The following ERH variants were observed in gnomAD, a reference collection of about 807,000 sequenced individuals.
The protein encoded by ERH is ERH mRNA splicing and mitosis factor.
In ERH, 1 loss-of-function variant was observed where a neutral mutation model predicts 16.8. That is an observed-to-expected ratio of 0.06 (90% CI 0.02 to 0.28). The LOEUF (loss-of-function observed/expected upper bound fraction) is 0.28, where lower values mean the gene tolerates loss of function less well. Ranked by LOEUF, ERH falls within the 10% of genes least tolerant of loss-of-function variation. The pLI, the probability that ERH is intolerant of heterozygous loss-of-function variation, is 1.00. For synonymous variants in ERH, 43 were observed against 43.6 expected (o/e 0.99, Z 0.05); for missense variants, 42 against 127.5 (o/e 0.33, Z 3.23).
At chr14:69,392,816 T>C (rs1882248408) in intron 2 of ERH, among the ~76,000 whole-genome samples, 1 of 152,166 alleles carries the variant, frequency 6.6e-6, no homozygotes, top group African/African-American at 2.4e-5. Context: ...AAAACTGTAG[T>C]TTCTGTTCAA....
chr14:69,392,609 A>G (rs1236016850), intron 2 of ERH, among the ~76,000 whole-genome samples: 1 of 152,232 alleles, frequency 6.6e-6, no homozygotes, highest in Admixed American at 6.5e-5. Flanking sequence ...TGGCGGACAC[A>G]TGACACTGCG....
chr14:69,389,129 T>C (rs533237957), intron 2 of ERH, among the ~76,000 whole-genome samples: 2 of 152,278 alleles, frequency 1.3e-5, no homozygotes, highest in South Asian at 4.1e-4. Context: ...CAAGCGATTC[T>C]CTTGCCTCAG....
At chr14:69,381,398 T>C (rs1393532169) in intron 3 of ERH, among the ~76,000 whole-genome samples, 4 of 152,240 alleles carry the variant, frequency 2.6e-5, no homozygotes, top group Non-Finnish European at 5.9e-5. Context: ...CTGTAAAGTA[T>C]TAAGGAAATC....
At chr14:69,397,880 T>C (rs1429756463) in intron 1 of ERH, 5 of 406,156 alleles carry the variant, frequency 1.2e-5, no homozygotes, top group African/African-American at 8.3e-5. Flanking sequence ...ATCCCGCCAC[T>C]GCACTCCAGC....
At chr14:69,387,143 C>A in intron 2 of ERH, 60 bp from the exon 3 acceptor site, 1 of 1,448,104 alleles carries the variant, frequency 6.9e-7, no homozygotes, top group Non-Finnish European at 9.6e-7. Flanking sequence ...TAGATATGAG[C>A]AGTGCTTATG....
chr14:69,390,163 C>T (rs921037191), intron 2 of ERH, among the ~76,000 whole-genome samples: 4 of 150,624 alleles, frequency 2.7e-5, no homozygotes, highest in African/African-American at 9.8e-5. Context: ...ACGGATTCAA[C>T]GCAATTCCCA....
intron 2 of ERH, among the ~76,000 whole-genome samples, chr14:69,390,154 C>T (rs1462508650): frequency 4.7e-5 from 7 of 150,468 alleles, no homozygotes; most frequent in African/African-American, 1.5e-4. Flanking sequence ...AGATGATCTA[C>T]GGATTCAACG....
intron 1 of ERH, among the ~76,000 whole-genome samples, chr14:69,396,097 C>T (rs1882325510): frequency 6.6e-6 from 1 of 152,212 alleles, no homozygotes; most frequent in African/African-American, 2.4e-5. Flanking sequence ...CAATTTTCTG[C>T]TACATGTGTA....
chr14:69,398,057 T>TA, intron 1 of ERH, 174 bp downstream of exon 1: 1 of 837,172 alleles, frequency 1.2e-6, no homozygotes, highest in Non-Finnish European at 1.9e-6. Context: ...CTCCGAGGCC[T>TA]AGAGTCAGGC....
Position 69,380,629 on chromosome 14 carries a change from T to C in ERH, c.224A>G (p.Asp75Gly). The stretch of plus-strand genomic sequence containing the variant: ...GTTATAAGGCTGGTATGTCTGGGTA[T>C]CAGCTCGGTAACTGAGGAGAGAAAG... ...ADLSCLVYRA[D>G]TQTYQPYNKD... Residue 75 changes from aspartate (D) to glycine (G), a missense_variant, in exon 4 of 4, where the codon GAT (aspartate) becomes GGT (glycine). Coordinates refer to ENST00000557016, the MANE Select transcript of ERH (RefSeq NM_004450.3). 6.2e-7 allele frequency: 1 copy of C among 1,606,366 alleles called. No homozygotes were observed. Among genetic ancestry groups the C allele is most frequent in the Non-Finnish European group, 8.5e-7 (1 of 1,173,848 alleles).
intron 1 of ERH, among the ~76,000 whole-genome samples, chr14:69,396,049 G>T (rs1882324825): frequency 6.6e-6 from 1 of 152,194 alleles, no homozygotes; most frequent in Admixed American, 6.5e-5. Flanking sequence ...ATCTCATCCA[G>T]CTGAGAATTC....
chr14:69,397,376 G>A (rs564967432), intron 1 of ERH, among the ~76,000 whole-genome samples: 39 of 150,618 alleles, frequency 2.6e-4, no homozygotes, highest in Non-Finnish European at 3.1e-4. Flanking sequence ...GCCCCAAGAG[G>A]ATATAAATAC....
intron 2 of ERH, among the ~76,000 whole-genome samples, chr14:69,389,429 T>C (rs1242229109): frequency 6.6e-6 from 1 of 152,196 alleles, no homozygotes; most frequent in Non-Finnish European, 1.5e-5. Context: ...GTACTAGAAG[T>C]TCTAGCCAGG....
Position 69,380,527 on chromosome 14 carries a change from T to TGGG in ERH, c.*10_*11insCCC. The TGGG allele has an allele frequency of 2.8e-6, 3 of 1,076,086 alleles. No homozygotes were observed. The highest frequency in any genetic ancestry group is 4.3e-6 in the Non-Finnish European group (3 of 700,076). The allele number at this position is 1,076,086 out of a possible 1,614,324, so 66.7% of individuals were successfully genotyped here. A position where few individuals can be genotyped will look rare whatever the true frequency, so the allele number is the denominator to read the frequency against. On this transcript the variant is annotated 3_prime_UTR_variant, in exon 4 of 4. Coordinates refer to ENST00000557016, the MANE Select transcript of ERH (RefSeq NM_004450.3). ...AAGCCCACCCCAACCCCCCCAGTGC[T>TGGG]TCCAACACAATTATTTCCCAGCCTG...
intron 2 of ERH, among the ~76,000 whole-genome samples, chr14:69,392,520 G>C (rs1442736875): frequency 6.6e-6 from 1 of 152,236 alleles, no homozygotes; most frequent in Non-Finnish European, 1.5e-5. Flanking sequence ...GGTTGAGGGT[G>C]GGGTAGGAGG....
chr14:69,383,361 A>G (rs946862615), intron 3 of ERH, among the ~76,000 whole-genome samples: 1 of 152,228 alleles, frequency 6.6e-6, no homozygotes, highest in African/African-American at 2.4e-5. Context: ...GGTCACTGCC[A>G]TGTAAATTTA....
In ERH at chr14:69,391,562, C is replaced by T. The variant is rs145356016; in HGVS notation, c.91+3263G>A. 2.0e-3 allele frequency among the ~76,000 whole-genome samples: 286 copies of T among 146,614 alleles called. 1 individual carries two copies. The highest frequency in any genetic ancestry group is 3.0e-3 in the Non-Finnish European group (202 of 67,236). Reference sequence around the variant, plus strand: ...ACTTGGGTGGCTGAGGCAGGAGAATCGCTTGAACCAGGGAGGCAGAGGTTG... The same window carrying T: ...ACTTGGGTGGCTGAGGCAGGAGAATTGCTTGAACCAGGGAGGCAGAGGTTG... On this transcript the variant is annotated intron_variant, in intron 2 of 3. Transcript: ENST00000557016.
rs116816594 is a variant in ERH at position 69,381,515 on chromosome 14, C to G, written c.213-875G>C. 3.1e-3 allele frequency among the ~76,000 whole-genome samples: 477 copies of G among 151,632 alleles called. 4 individuals are homozygous for G. The highest frequency in any genetic ancestry group is 0.011 in the African/African-American group (463 of 41,342). On this transcript the variant is annotated intron_variant, in intron 3 of 3. Transcript: ENST00000557016. ...AGCTCCAAAATATCTCTAATCAGAA[C>G]GAAAAGGAGTACACAGACTAGCATT...
At chr14:69,380,938 C>T (rs143681562) in intron 3 of ERH, among the ~76,000 whole-genome samples, 1 of 152,276 alleles carries the variant, frequency 6.6e-6, no homozygotes, top group African/African-American at 2.4e-5. Context: ...ATGTGTTCTT[C>T]CTCCTACATA....
Sources: gnomAD v4.1 joint callset for allele counts (sites outside exome capture counted in the v4.1 genomes callset) on GRCh38, gnomAD v4.1.1 for gene constraint, MANE v1.5 for transcripts, NCBI Gene and HGNC (gene_info 2026-07-23, HGNC 2026-07-21) for gene names.